CHKA: variants seen among roughly 807,000 people sequenced by gnomAD.
CHKA encodes choline kinase alpha.
CHKA carries 34 observed loss-of-function variants against 60.1 expected under a neutral mutation model. The ratio of observed to expected loss-of-function variants is 0.57; its 90% confidence interval spans 0.43 to 0.75. The LOEUF (loss-of-function observed/expected upper bound fraction) is 0.75. CHKA is among the 30% of genes least tolerant of loss of function. CHKA has a pLI of 0.00. For missense variants in CHKA, 563 were observed against 561.3 expected (o/e 1.00, Z -0.03); for synonymous variants, 217 against 223.1 (o/e 0.97, Z 0.24).
At chr11:68,101,809 T>C (rs1232179509) in intron 1 of CHKA, among the ~76,000 whole-genome samples, 1 of 152,148 alleles carries the variant, frequency 6.6e-6, no homozygotes, top group Non-Finnish European at 1.5e-5. Context: ...ATTGTTAAAA[T>C]GTCCATACTG....
chr11:68,083,621 T>C (rs1002691207), intron 2 of CHKA, among the ~76,000 whole-genome samples: 1 of 152,166 alleles, frequency 6.6e-6, no homozygotes. Context: ...AGTTACTTCA[T>C]CCAAAGTTAA....
chr11:68,095,708 CAAAAAAAAAA>C (rs55959031), intron 2 of CHKA, among the ~76,000 whole-genome samples: 2 of 13,132 alleles, frequency 1.5e-4, no homozygotes, highest in South Asian at 7.6e-3. Flanking sequence ...GACTCCGTCG[CAAAAAAAAAA>C]AAAAAAAAAA....
chr11:68,109,392 T>TA (rs1858050404), intron 1 of CHKA, among the ~76,000 whole-genome samples: 1 of 152,224 alleles, frequency 6.6e-6, no homozygotes, highest in African/African-American at 2.4e-5. Flanking sequence ...CCCGGCCTCT[T>TA]ATATTTTTAA....
chr11:68,052,868 T>A lies in CHKA; in HGVS notation c.*1120A>T, dbSNP rs11481. On this transcript the variant is annotated 3_prime_UTR_variant, in exon 12 of 12. Transcript: ENST00000265689. ...GGGTGACAGCTTGAGGTTGGGTTTT[T>A]ATTTTTTTATTTGTATAGTACAATC... The A allele has an allele frequency of 0.61, 92,775 of 152,126 alleles. 29,620 individuals are homozygous for A. Among genetic ancestry groups the A allele is most frequent in the Middle Eastern group, 0.77 (227 of 294 alleles). The allele number at this position is 152,126 out of a possible 1,614,324, so 9.4% of individuals were successfully genotyped here.
rs1321907891 is a variant in CHKA at position 68,084,306 on chromosome 11, ATATACATGTG to A, written c.463-2859_463-2850del. ...TACACATATATATACGTATATGTGT[ATATACATGTG>A]TATATATATACACATATACGTATAT... On this transcript the variant is annotated intron_variant, in intron 2 of 11. Coordinates refer to ENST00000265689, the MANE Select transcript of CHKA (RefSeq NM_001277.3). Among the ~76,000 whole-genome samples the A allele has an allele frequency of 3.5e-5, 5 of 142,532 alleles. No homozygotes were observed. In the East Asian group the frequency reaches 1.0e-3, roughly 29 times the overall value. 93.5% of individuals were successfully genotyped at this position (142,532 alleles called of 152,430 possible).
At chr11:68,085,545 A>C (rs1393066415) in intron 2 of CHKA, among the ~76,000 whole-genome samples, 3 of 152,196 alleles carry the variant, frequency 2.0e-5, no homozygotes, top group African/African-American at 7.2e-5. Context: ...TGATTGGCCA[A>C]GAACTTTTAA....
chr11:68,055,421 T>C (rs1855976529), intron 11 of CHKA, among the ~76,000 whole-genome samples: 1 of 152,152 alleles, frequency 6.6e-6, no homozygotes, highest in South Asian at 2.1e-4. Flanking sequence ...GAAGCTGCTA[T>C]GAGTGTTTGA....
chr11:68,067,252 T>C (rs1422965918), intron 7 of CHKA, among the ~76,000 whole-genome samples: 2 of 152,106 alleles, frequency 1.3e-5, no homozygotes, highest in Non-Finnish European at 2.9e-5. Flanking sequence ...CTAGTGGAGG[T>C]ATAGTGTCTA....
chr11:68,115,513 C>A (rs886883349), intron 1 of CHKA, among the ~76,000 whole-genome samples: 10 of 152,146 alleles, frequency 6.6e-5, no homozygotes, highest in Admixed American at 6.6e-4. Flanking sequence ...TGGGAACTCT[C>A]TGTACTATCT....
chr11:68,106,034 G>A (rs752867496), intron 1 of CHKA, among the ~76,000 whole-genome samples: 14 of 152,086 alleles, frequency 9.2e-5, no homozygotes, highest in Admixed American at 3.9e-4. Context: ...AGAATACAGC[G>A]TAATATCAAA....
At chr11:68,086,838 T>C (rs1050754181) in intron 2 of CHKA, among the ~76,000 whole-genome samples, 18 of 152,188 alleles carry the variant, frequency 1.2e-4, no homozygotes, top group Admixed American at 7.9e-4. Flanking sequence ...ATACAAAAAA[T>C]TGCCTGGCGC....
Position 68,113,991 on chromosome 11 carries a change from CA to C in CHKA, c.350+6836del, listed in dbSNP as rs879445965. 2.3e-3 allele frequency among the ~76,000 whole-genome samples: 333 copies of C among 144,502 alleles called. 1 individual carries two copies. Among genetic ancestry groups the C allele is most frequent in the Non-Finnish European group, 3.6e-3 (237 of 65,610 alleles). 94.8% of individuals were successfully genotyped at this position (144,502 alleles called of 152,430 possible). A position where few individuals can be genotyped will look rare whatever the true frequency, so the allele number is the denominator to read the frequency against. ...GGGCAACAAGAGTGAAACTCTGTCT[CA>C]AAAAAAAAAGGAAAGAAAAAGAAAA... On this transcript the variant is annotated intron_variant, in intron 1 of 11. Transcript: ENST00000265689.
chr11:68,121,143 T>A lies in CHKA; in HGVS notation c.35A>T (p.Glu12Val). The A allele has an allele frequency of 8.3e-7, 1 of 1,210,324 alleles. No homozygotes were observed. The highest frequency in any genetic ancestry group is 1.0e-6 in the Non-Finnish European group (1 of 966,428). 75.0% of individuals were successfully genotyped at this position (1,210,324 alleles called of 1,614,324 possible). Residue 12 changes from glutamate (E) to valine (V), a missense_variant, in exon 1 of 12, where the codon GAG becomes GTG. Physicochemically the swap from Glu to Val is moderately radical, Grantham distance 121. Coordinates refer to ENST00000265689, the MANE Select transcript of CHKA (RefSeq NM_001277.3). ...CAGCAGCAGCCCGAGCGGCGAGGGC[T>A]CCGCCTCGCCCCCGGTGCAGAATTT... Reference protein sequence around the residue: ...KTKFCTGGEAEPSPLGLLLSC... With the variant: ...KTKFCTGGEAVPSPLGLLLSC...
At chr11:68,097,170 G>A in intron 1 of CHKA, 40 bp from the exon 2 acceptor site, 2 of 1,490,106 alleles carry the variant, frequency 1.3e-6, no homozygotes, top group Non-Finnish European at 1.9e-6. Flanking sequence ...TTTATTGCAG[G>A]TGAGCTAAAT....
chr11:68,113,223 C>T (rs1858245599), intron 1 of CHKA, among the ~76,000 whole-genome samples: 1 of 150,872 alleles, frequency 6.6e-6, no homozygotes, highest in African/African-American at 2.4e-5. Context: ...GCAGGAGGAC[C>T]ACATCTGTGA....
intron 2 of CHKA, among the ~76,000 whole-genome samples, chr11:68,094,632 A>T (rs973932554): frequency 6.6e-6 from 1 of 152,172 alleles, no homozygotes; most frequent in Non-Finnish European, 1.5e-5. Flanking sequence ...TAAATTTAAA[A>T]CCCAAGCTGC....
rs1856773884 is a variant in CHKA at position 68,075,983 on chromosome 11, G to A, written c.517-1153C>T. ...GTTACCAAAAACTGAGAAACCAAGAGGACAAACTTATTAGGAAATGATACA... is the reference window on the plus strand; with the variant it reads ...GTTACCAAAAACTGAGAAACCAAGAAGACAAACTTATTAGGAAATGATACA... On this transcript the variant is annotated intron_variant, in intron 3 of 11. Coordinates refer to ENST00000265689, the MANE Select transcript of CHKA (RefSeq NM_001277.3). Among the ~76,000 whole-genome samples, 4 of 152,170 alleles carry A rather than the reference G, an allele frequency of 2.6e-5. No individual in the cohort carries two copies. The South Asian group carries it at 8.3e-4, about 32-fold the overall frequency.
At chr11:68,102,222 T>A (rs1461464178) in intron 1 of CHKA, among the ~76,000 whole-genome samples, 2 of 152,038 alleles carry the variant, frequency 1.3e-5, no homozygotes, top group African/African-American at 4.8e-5. Flanking sequence ...CTAAAATTTA[T>A]ATGAAATCAC....
chr11:68,056,369 T>C (rs917229779), intron 11 of CHKA, among the ~76,000 whole-genome samples: 2 of 152,146 alleles, frequency 1.3e-5, no homozygotes, highest in African/African-American at 4.8e-5. Flanking sequence ...TGACTGTGGG[T>C]CATAAGACTC....
Sources: gnomAD v4.1 joint callset for allele counts (sites outside exome capture counted in the v4.1 genomes callset) on GRCh38, gnomAD v4.1.1 for gene constraint, MANE v1.5 for transcripts, NCBI Gene and HGNC (gene_info 2026-07-23, HGNC 2026-07-21) for gene names.